The following RALGAPA1 variants were observed in gnomAD, a reference collection of about 807,000 sequenced individuals.
RALGAPA1 encodes ral GTPase-activating protein subunit alpha-1.
Under a neutral mutation model 269.6 loss-of-function variants are expected in RALGAPA1, and 52 were observed. That is an observed-to-expected ratio of 0.19 (90% CI 0.15 to 0.24). The LOEUF (loss-of-function observed/expected upper bound fraction) is 0.24. Among genes scored for constraint, RALGAPA1 ranks in the 10% least tolerant of loss-of-function variants. The pLI is 1.00. For missense variants in RALGAPA1, 1,917 were observed against 3,013.9 expected, an observed-to-expected ratio of 0.64 and a Z score of 8.52; for synonymous variants, 817 against 1,008.3, an observed-to-expected ratio of 0.81 and a Z score of 3.60.
chr14:35,677,736 A>G (rs2065070006), intron 22 of RALGAPA1: 1 of 495,072 alleles, frequency 2.0e-6, no homozygotes, highest in Non-Finnish European at 3.5e-6. Flanking sequence ...TAATTTGAGG[A>G]CTCTAATCAA....
intron 30 of RALGAPA1, among the ~76,000 whole-genome samples, chr14:35,653,262 T>C (rs1198984576): frequency 1.3e-5 from 2 of 152,200 alleles, no homozygotes; most frequent in Non-Finnish European, 2.9e-5. Context: ...AGATATCATA[T>C]GAAAAGGTGA....
At chr14:35,543,072 C>T (rs564301860) in intron 41 of RALGAPA1, among the ~76,000 whole-genome samples, 98 of 152,196 alleles carry the variant, frequency 6.4e-4, no homozygotes, top group Admixed American at 4.3e-3. Context: ...ACTCCAGCGA[C>T]GATGTGATTT....
chr14:35,750,403 C>T (rs985573549), intron 9 of RALGAPA1, 79 bp downstream of exon 9: 4 of 1,014,896 alleles, frequency 3.9e-6, no homozygotes, highest in East Asian at 2.5e-5. Context: ...GTACGCTCCA[C>T]CTAAGGCAAC....
chr14:35,723,210 G>A lies in RALGAPA1; in HGVS notation c.1921C>T (p.Leu641Phe), dbSNP rs1351200658. The change falls in exon 15 of 42, where the codon CTT becomes TTT. Residue 641 changes from leucine to phenylalanine, a missense_variant. By Grantham distance (22) the Leu-to-Phe change is conservative (BLOSUM62 0). Coordinates refer to ENST00000680220, the MANE Select transcript of RALGAPA1 (RefSeq NM_001346249.2). ...ANLNVYISRE[L>F]WDDLLSVLSS... ...AATACTGACAGTAAGTCATCCCAAAGTTCTCGGGAGATGTACACATTTAGG... is the reference window on the plus strand; with the variant it reads ...AATACTGACAGTAAGTCATCCCAAAATTCTCGGGAGATGTACACATTTAGG... The A allele has an allele frequency of 6.2e-7, 1 of 1,613,652 alleles. No individual in the cohort carries two copies. The highest frequency in any genetic ancestry group is 1.1e-5 in the South Asian group (1 of 91,066).
At chr14:35,793,378 C>T (rs960702930) in intron 1 of RALGAPA1, among the ~76,000 whole-genome samples, 6 of 151,986 alleles carry the variant, frequency 3.9e-5, no homozygotes, top group East Asian at 1.9e-4. Context: ...GCTGGGATTA[C>T]AGGCATGCAC....
chr14:35,754,561 C>A (rs973872499), intron 7 of RALGAPA1, among the ~76,000 whole-genome samples: 1 of 152,048 alleles, frequency 6.6e-6, no homozygotes, highest in Non-Finnish European at 1.5e-5. Context: ...ACAAATTGAC[C>A]GTACCAACTG....
intron 17 of RALGAPA1, among the ~76,000 whole-genome samples, chr14:35,694,120 A>C (rs1031625593): frequency 1.3e-5 from 2 of 152,112 alleles, no homozygotes; most frequent in Non-Finnish European, 2.9e-5. Flanking sequence ...CTTATTGGTA[A>C]AAAGCAAGTT....
chr14:35,566,319 T>C (rs2056700114), intron 39 of RALGAPA1, among the ~76,000 whole-genome samples: 1 of 152,168 alleles, frequency 6.6e-6, no homozygotes, highest in Admixed American at 6.6e-5. Flanking sequence ...CAATCAATAC[T>C]GTCCCCATTT....
chr14:35,718,304 T>C (rs2069032934), intron 16 of RALGAPA1, among the ~76,000 whole-genome samples: 2 of 152,180 alleles, frequency 1.3e-5, no homozygotes, highest in South Asian at 4.1e-4. Flanking sequence ...TTAAAGGAAT[T>C]TTTTTTCATT....
chr14:35,645,743 A>C (rs2062396672), intron 31 of RALGAPA1, among the ~76,000 whole-genome samples: 1 of 151,902 alleles, frequency 6.6e-6, no homozygotes, highest in South Asian at 2.1e-4. Flanking sequence ...AAAAAAAAAA[A>C]AAAAAGATAT....
chr14:35,623,100 A>AAT (rs2060747274), intron 35 of RALGAPA1, among the ~76,000 whole-genome samples: 1 of 151,984 alleles, frequency 6.6e-6, no homozygotes, highest in African/African-American at 2.4e-5. Context: ...AAAAAAAAAA[A>AAT]ATCTAGAGAG....
chr14:35,652,128 C>T (rs1198620047), intron 30 of RALGAPA1, among the ~76,000 whole-genome samples: 2 of 151,962 alleles, frequency 1.3e-5, no homozygotes, highest in African/African-American at 4.8e-5. Flanking sequence ...GGATTTCTTC[C>T]CAATTCAAGG....
At chr14:35,659,826 T>C (rs1417924156) in intron 27 of RALGAPA1, among the ~76,000 whole-genome samples, 1 of 151,972 alleles carries the variant, frequency 6.6e-6, no homozygotes, top group Middle Eastern at 3.2e-3. Flanking sequence ...GTTCAACATA[T>C]AGAAAGCAAT....
chr14:35,725,859 T>G (rs2069853215), intron 13 of RALGAPA1, among the ~76,000 whole-genome samples: 1 of 152,188 alleles, frequency 6.6e-6, no homozygotes, highest in Non-Finnish European at 1.5e-5. Flanking sequence ...CTTTCCACTC[T>G]TTTCATTATG....
chr14:35,590,691 A>G (rs116018311), intron 37 of RALGAPA1, among the ~76,000 whole-genome samples: 46 of 152,342 alleles, frequency 3.0e-4, no homozygotes, highest in African/African-American at 1.1e-3. Flanking sequence ...ACCCAGTCTC[A>G]GTATTCTTTA....
At chr14:35,676,740 T>C (rs1566977439) in intron 22 of RALGAPA1, 11 of 152,216 alleles carry the variant, frequency 7.2e-5, no homozygotes, top group Admixed American at 7.2e-4. Context: ...TCCTCTTACA[T>C]GCCTCAGCAA....
intron 37 of RALGAPA1, among the ~76,000 whole-genome samples, chr14:35,583,050 A>G (rs1050780793): frequency 6.6e-6 from 1 of 152,224 alleles, no homozygotes; most frequent in Admixed American, 6.5e-5. Flanking sequence ...TCAGATTTCA[A>G]CAAAAAATTA....
At chr14:35,568,315 G>C (rs1436590599) in intron 39 of RALGAPA1, among the ~76,000 whole-genome samples, 1 of 152,064 alleles carries the variant, frequency 6.6e-6, no homozygotes, top group African/African-American at 2.4e-5. Context: ...TAATTGGTAA[G>C]TATAATGAAA....
At chr14:35,793,306 C>T (rs890130439) in intron 1 of RALGAPA1, among the ~76,000 whole-genome samples, 1 of 150,898 alleles carries the variant, frequency 6.6e-6, no homozygotes, top group African/African-American at 2.4e-5. Context: ...GGCACAATCT[C>T]GGCTCACGAC....
Sources: gnomAD v4.1 joint callset for allele counts (sites outside exome capture counted in the v4.1 genomes callset) on GRCh38, gnomAD v4.1.1 for gene constraint, MANE v1.5 for transcripts, NCBI Gene and HGNC (gene_info 2026-07-23, HGNC 2026-07-21) for gene names.